The following GPR176 variants were observed in gnomAD, a reference collection of about 807,000 sequenced individuals.
GPR176 encodes the protein G protein-coupled receptor 176.
A neutral mutation model predicts 35.4 loss-of-function variants in GPR176; 26 were observed. The observed-to-expected ratio is 0.74, with a 90% CI of 0.54 to 1.02. The LOEUF (loss-of-function observed/expected upper bound fraction) is 1.02. Among genes scored for constraint, GPR176 ranks in the 50% least tolerant of loss-of-function variants. GPR176 has a pLI of 0.00. For missense variants in GPR176, 597 were observed against 665.3 expected (o/e 0.90, Z 1.13); for synonymous variants, 278 against 271.3 (o/e 1.02, Z -0.24).
In GPR176 at chr15:39,801,693, CTT is replaced by C. The variant is rs1898876724; in HGVS notation, c.985_986del (p.Lys329ValfsTer17). 6.2e-7 allele frequency: 1 copy of C among 1,613,764 alleles called. No homozygotes were observed. The highest frequency in any genetic ancestry group is 1.7e-5 in the Admixed American group (1 of 60,010). On this transcript the variant is annotated frameshift_variant, in exon 3 of 3. Coordinates refer to ENST00000561100, the MANE Select transcript of GPR176 (RefSeq NM_007223.3). LOFTEE classifies it high-confidence loss of function. ...GTTGCACCAGGGTCCCTATCAAGCA[CTT>C]GCGGACAGATTTGTTCACAGTAAGA... Reference protein sequence around the residue: ...LFLTVNKSVRKCLIGTLVQLH... With the variant: ...LFLTVNKSVRXCLIGTLVQLH...
At chr15:39,804,781 T>C (rs1368778760) in intron 2 of GPR176, among the ~76,000 whole-genome samples, 1 of 152,194 alleles carries the variant, frequency 6.6e-6, no homozygotes, top group African/African-American at 2.4e-5. Flanking sequence ...AATGAAGTAC[T>C]GATACATTCT....
chr15:39,917,731 T>C (rs2033763993), intron 1 of GPR176, among the ~76,000 whole-genome samples: 1 of 151,584 alleles, frequency 6.6e-6, no homozygotes, highest in Non-Finnish European at 1.5e-5. Context: ...TTTAGGAGGG[T>C]CCATGTAACG....
chr15:39,887,826 T>A (rs1450192949), intron 1 of GPR176, among the ~76,000 whole-genome samples: 1 of 152,162 alleles, frequency 6.6e-6, no homozygotes, highest in Non-Finnish European at 1.5e-5. Context: ...GAATATGCCA[T>A]CCCAAAATAT....
At chr15:39,814,407 T>C (rs1217638187) in intron 1 of GPR176, among the ~76,000 whole-genome samples, 1 of 152,244 alleles carries the variant, frequency 6.6e-6, no homozygotes, top group Non-Finnish European at 1.5e-5. Flanking sequence ...TATTTAAAAT[T>C]TGTATTTGCG....
At chr15:39,824,637 G>T (rs973291199) in intron 1 of GPR176, among the ~76,000 whole-genome samples, 3 of 152,234 alleles carry the variant, frequency 2.0e-5, no homozygotes, top group African/African-American at 7.2e-5. Context: ...GCCTAGAACA[G>T]TATCTGGTAA....
intron 1 of GPR176, among the ~76,000 whole-genome samples, chr15:39,868,512 A>G (rs148081613): frequency 2.0e-5 from 3 of 152,318 alleles, no homozygotes; most frequent in African/African-American, 7.2e-5. Flanking sequence ...TCTTCCCTGG[A>G]ACTGGCACAT....
intron 1 of GPR176, among the ~76,000 whole-genome samples, chr15:39,886,136 G>A (rs185976006): frequency 6.6e-6 from 1 of 152,096 alleles, no homozygotes; most frequent in African/African-American, 2.4e-5. Flanking sequence ...GGGAGGCTGG[G>A]GCAGGAGAAT....
At chr15:39,887,643 G>A (rs1051622187) in intron 1 of GPR176, among the ~76,000 whole-genome samples, 2 of 147,058 alleles carry the variant, frequency 1.4e-5, no homozygotes, top group African/African-American at 5.0e-5. Context: ...GCTTTTACTT[G>A]TCTAAAGCTT....
In GPR176 at chr15:39,799,538, A is replaced by C. The variant is rs966455893; in HGVS notation, c.*1594T>G. On this transcript the variant is annotated 3_prime_UTR_variant, in exon 3 of 3. Transcript: ENST00000561100. ...CACACCCAAGAGAAGAAAGGAAAACAAAACTCCCTACAGGGTCTGGGCTCC... is the reference window on the plus strand; with the variant it reads ...CACACCCAAGAGAAGAAAGGAAAACCAAACTCCCTACAGGGTCTGGGCTCC... 1.3e-5 allele frequency: 2 copies of C among 152,244 alleles called. No homozygotes were observed. Among genetic ancestry groups the C allele is most frequent in the East Asian group, 1.9e-4 (1 of 5,198 alleles). 9.4% of individuals were successfully genotyped at this position (152,244 alleles called of 1,614,324 possible). A position where few individuals can be genotyped will look rare whatever the true frequency, so the allele number is the denominator to read the frequency against.
intron 1 of GPR176, among the ~76,000 whole-genome samples, chr15:39,856,050 A>T (rs527307310): frequency 1.3e-5 from 2 of 152,322 alleles, no homozygotes; most frequent in South Asian, 4.1e-4. Context: ...AGTGAAGGAG[A>T]CAAGATTCAA....
At chr15:39,832,709 A>G (rs1175865657) in intron 1 of GPR176, among the ~76,000 whole-genome samples, 1 of 147,252 alleles carries the variant, frequency 6.8e-6, no homozygotes, top group African/African-American at 2.4e-5. Context: ...ATGTCTTAAG[A>G]AAGTTTACAA....
intron 1 of GPR176, among the ~76,000 whole-genome samples, chr15:39,888,219 G>A (rs1330597456): frequency 6.6e-6 from 1 of 152,120 alleles, no homozygotes; most frequent in Non-Finnish European, 1.5e-5. Context: ...ACACATATGT[G>A]TTAACTTCTT....
At chr15:39,917,237 G>A (rs1279448718) in intron 1 of GPR176, among the ~76,000 whole-genome samples, 1 of 151,482 alleles carries the variant, frequency 6.6e-6, no homozygotes, top group Non-Finnish European at 1.5e-5. Context: ...GAGCTGAGCT[G>A]AGATCCTGCC....
rs1192974398 is a variant in GPR176, at chr15:39,849,612, A to G, written c.173-42354T>C. On this transcript the variant is annotated intron_variant, in intron 1 of 2. Transcript: ENST00000561100. ...GCTTTCAACATTTGAAAATCAATCA[A>G]TATAATCTACTCTATTAACACACTA... 2.6e-5 allele frequency among the ~76,000 whole-genome samples: 4 copies of G among 152,312 alleles called. No individual in the cohort carries two copies. The East Asian group carries it at 5.8e-4, about 22-fold the overall frequency.
intron 1 of GPR176, among the ~76,000 whole-genome samples, chr15:39,896,501 T>C (rs1225011964): frequency 6.6e-6 from 1 of 152,266 alleles, no homozygotes; most frequent in Non-Finnish European, 1.5e-5. Flanking sequence ...TTTCAAAGAA[T>C]GTTATTCATG....
intron 1 of GPR176, among the ~76,000 whole-genome samples, chr15:39,917,438 C>T (rs61176000): frequency 6.7e-6 from 1 of 149,468 alleles, no homozygotes; most frequent in African/African-American, 2.5e-5. Context: ...CGGGTTCTAG[C>T]GATTCTCCTG....
chr15:39,828,790 A>C (rs1362457015), intron 1 of GPR176, among the ~76,000 whole-genome samples: 1 of 152,224 alleles, frequency 6.6e-6, no homozygotes, highest in Non-Finnish European at 1.5e-5. Context: ...TGCTTTCACC[A>C]CAGTGTGAAC....
At chr15:39,867,486 G>C (rs2031875435) in intron 1 of GPR176, among the ~76,000 whole-genome samples, 1 of 152,174 alleles carries the variant, frequency 6.6e-6, no homozygotes, top group African/African-American at 2.4e-5. Context: ...GCTGGCAGGA[G>C]GGGAGGTGAG....
At chr15:39,806,952 A>T in intron 2 of GPR176, 54 bp downstream of exon 2, 1 of 1,514,772 alleles carries the variant, frequency 6.6e-7, no homozygotes, top group South Asian at 1.3e-5. Context: ...TCATGATGCT[A>T]ATTTTTTAAT....
Sources: allele counts gnomAD v4.1 joint callset (sites outside exome capture counted in the v4.1 genomes callset), GRCh38; gene constraint gnomAD v4.1.1; transcripts MANE v1.5; gene names NCBI Gene and HGNC (gene_info 2026-07-23, HGNC 2026-07-21).